The following AGPAT5 variants were observed in gnomAD, a reference collection of about 807,000 sequenced individuals.
AGPAT5 encodes 1-acyl-sn-glycerol-3-phosphate acyltransferase epsilon.
A neutral mutation model predicts 45.6 loss-of-function variants in AGPAT5; 46 were observed. The ratio of observed to expected loss-of-function variants is 1.01; its 90% CI spans 0.80 to 1.29. The LOEUF is 1.29. Ranked by LOEUF, AGPAT5 falls within the 50% of genes most tolerant of loss-of-function variation. The probability of loss-of-function intolerance (pLI) is 0.00; values close to 1 mark genes in which losing one functional copy is unlikely to be tolerated. For synonymous variants in AGPAT5, 272 were observed against 167.0 expected (o/e 1.63, Z -4.85); for missense variants, 673 against 450.7 (o/e 1.49, Z -4.47).
intron 4 of AGPAT5, among the ~76,000 whole-genome samples, chr8:6,736,199 G>T (rs1273628906): frequency 6.6e-6 from 1 of 152,074 alleles, no homozygotes; most frequent in East Asian, 1.9e-4. Context: ...ACATAACATG[G>T]TATATATTTG....
rs1035348098 is a variant in AGPAT5 at position 6,760,244 on chromosome 8, T to A, written c.*2856T>A. Among the ~76,000 whole-genome samples the A allele has an allele frequency of 6.6e-6, 1 of 151,950 alleles. No homozygotes were observed. Among genetic ancestry groups the A allele is most frequent in the Non-Finnish European group, 1.5e-5 (1 of 67,998 alleles). On this transcript the variant is annotated 3_prime_UTR_variant, in exon 8 of 8. Coordinates refer to ENST00000285518, the MANE Select transcript of AGPAT5 (RefSeq NM_018361.5). ...CTGTCTACAAAAAAATTAAAAAAAATTAGCCAGGCATGGTGGCGTACACTG... is the reference window on the plus strand; with the variant it reads ...CTGTCTACAAAAAAATTAAAAAAAAATAGCCAGGCATGGTGGCGTACACTG...
intron 4 of AGPAT5, among the ~76,000 whole-genome samples, chr8:6,736,792 T>C (rs1303521554): frequency 2.0e-5 from 3 of 152,260 alleles, no homozygotes; most frequent in Non-Finnish European, 2.9e-5. Flanking sequence ...CCTGCTCACC[T>C]CTCATTTACT....
At chr8:6,754,319 T>C (rs1313749682) in intron 6 of AGPAT5, among the ~76,000 whole-genome samples, 2 of 152,238 alleles carry the variant, frequency 1.3e-5, no homozygotes, top group African/African-American at 4.8e-5. Context: ...CTCATGGCTA[T>C]TCCACAGTAA....
At chr8:6,743,792 A>G (rs1039728506) in intron 5 of AGPAT5, among the ~76,000 whole-genome samples, 6 of 151,568 alleles carry the variant, frequency 4.0e-5, no homozygotes, top group Admixed American at 6.6e-5. Flanking sequence ...TTTAATTGCC[A>G]TGGTTAAAAC....
chr8:6,708,894 C>A lies in AGPAT5; in HGVS notation c.219+7C>A, dbSNP rs1163870697. The A allele has an allele frequency of 1.3e-6, 2 of 1,597,000 alleles. No homozygotes were observed. The highest frequency in any genetic ancestry group is 1.7e-6 in the Non-Finnish European group (2 of 1,172,814). On this transcript the variant is annotated splice_region_variant and intron_variant, in intron 1 of 7. Coordinates refer to ENST00000285518, the MANE Select transcript of AGPAT5 (RefSeq NM_018361.5). ...GAATTACACCGGGGTCCAGGTGAGCCGCCTCCCGCTCCCGGGTCTCGGCGT... is the reference window on the plus strand; with the variant it reads ...GAATTACACCGGGGTCCAGGTGAGCAGCCTCCCGCTCCCGGGTCTCGGCGT...
intron 1 of AGPAT5, chr8:6,709,644 C>T (rs1287422502): frequency 6.6e-6 from 1 of 151,594 alleles, no homozygotes; most frequent in Non-Finnish European, 1.5e-5. Context: ...TAATGTCCAC[C>T]TAGTCCTCTT....
At chr8:6,751,234 A>G (rs1426912080) in intron 6 of AGPAT5, among the ~76,000 whole-genome samples, 2 of 152,258 alleles carry the variant, frequency 1.3e-5, no homozygotes, top group Admixed American at 6.5e-5. Context: ...TTTCATTAGT[A>G]TTAAATATTA....
At chr8:6,751,728 T>A (rs1188686775) in intron 6 of AGPAT5, among the ~76,000 whole-genome samples, 1 of 151,936 alleles carries the variant, frequency 6.6e-6, no homozygotes, top group Non-Finnish European at 1.5e-5. Flanking sequence ...TTTTAATTAT[T>A]TTTCTGAAGT....
chr8:6,747,466 A>G (rs895166013), intron 5 of AGPAT5, among the ~76,000 whole-genome samples: 1 of 152,262 alleles, frequency 6.6e-6, no homozygotes, highest in Non-Finnish European at 1.5e-5. Context: ...TATTTGATCA[A>G]TATATAGCAA....
intron 6 of AGPAT5, among the ~76,000 whole-genome samples, chr8:6,752,917 C>G (rs1413061182): frequency 6.6e-6 from 1 of 152,170 alleles, no homozygotes; most frequent in Non-Finnish European, 1.5e-5. Context: ...GTCGCATGCT[C>G]CTCTCATTGT....
At position 6,758,099 on chromosome 8, in the gene AGPAT5, A is replaced by G. The variant is rs1306886597; in HGVS notation, c.*711A>G. 1.3e-5 allele frequency: 2 copies of G among 152,280 alleles called. No homozygotes were observed. Among genetic ancestry groups the G allele is most frequent in the Admixed American group, 6.5e-5 (1 of 15,294 alleles). 9.4% of individuals were successfully genotyped at this position (152,280 alleles called of 1,614,324 possible). The stretch of plus-strand genomic sequence containing the variant: ...TAAAATTGTGACTCTGATTCATTAT[A>G]GCAGAACTTTAAATTTCCCAGCTTT... On this transcript the variant is annotated 3_prime_UTR_variant, in exon 8 of 8. Transcript: ENST00000285518.
At chr8:6,754,595 G>C (rs1411808155) in intron 6 of AGPAT5, among the ~76,000 whole-genome samples, 1 of 152,072 alleles carries the variant, frequency 6.6e-6, no homozygotes, top group Non-Finnish European at 1.5e-5. Flanking sequence ...GCTTCCTCTC[G>C]GCCCCTGTGG....
chr8:6,731,809 C>G (rs998045915), intron 3 of AGPAT5, among the ~76,000 whole-genome samples: 1 of 152,068 alleles, frequency 6.6e-6, no homozygotes, highest in Non-Finnish European at 1.5e-5. Context: ...GCTAGACATC[C>G]AAGATCAAGG....
At chr8:6,754,566 G>A (rs1801768205) in intron 6 of AGPAT5, among the ~76,000 whole-genome samples, 1 of 152,158 alleles carries the variant, frequency 6.6e-6, no homozygotes, top group Non-Finnish European at 1.5e-5. Flanking sequence ...GTCAGGAGGT[G>A]CCATCGTGAG....
intron 6 of AGPAT5, among the ~76,000 whole-genome samples, chr8:6,752,111 C>T (rs2116958756): frequency 6.6e-6 from 1 of 152,090 alleles, no homozygotes; most frequent in African/African-American, 2.4e-5. Context: ...CGGGAGGCAG[C>T]AGTTGCAGTG....
At chr8:6,739,492 A>T (rs565726388) in intron 4 of AGPAT5, among the ~76,000 whole-genome samples, 3 of 152,250 alleles carry the variant, frequency 2.0e-5, no homozygotes, top group African/African-American at 7.2e-5. Context: ...ACAGATTTGC[A>T]CATCTTTTGC....
intron 6 of AGPAT5, among the ~76,000 whole-genome samples, chr8:6,748,832 G>C (rs573612237): frequency 6.6e-6 from 1 of 152,244 alleles, no homozygotes; most frequent in African/African-American, 2.4e-5. Flanking sequence ...CAGTGTGCTT[G>C]TATCAGTAGG....
intron 6 of AGPAT5, among the ~76,000 whole-genome samples, chr8:6,753,216 G>A (rs1247954519): frequency 6.6e-6 from 1 of 152,230 alleles, no homozygotes; most frequent in African/African-American, 2.4e-5. Flanking sequence ...TGACGTCTTA[G>A]TAGAGGCCCT....
In AGPAT5 at chr8:6,732,585, A is replaced by G. The variant is rs1360338298; in HGVS notation, c.430A>G (p.Ser144Gly). Residue 144 changes from serine to glycine, a missense_variant, in exon 4 of 8, where the codon AGT becomes GGT. Physicochemically the swap from Ser to Gly is moderately conservative, Grantham distance 56. Transcript: ENST00000285518. ...GCATGGAGGAATCTATGTAAAGCGC[A>G]GTGCCAAATTTAACGAGAAAGAGAT... ...AQHGGIYVKR[S>G]AKFNEKEMRN... The G allele has an allele frequency of 6.2e-7, 1 of 1,610,554 alleles. No homozygotes were observed. Among genetic ancestry groups the G allele is most frequent in the Admixed American group, 1.7e-5 (1 of 58,764 alleles).
Sources: allele counts gnomAD v4.1 joint callset (sites outside exome capture counted in the v4.1 genomes callset), GRCh38; gene constraint gnomAD v4.1.1; transcripts MANE v1.5; gene names NCBI Gene and HGNC (gene_info 2026-07-23, HGNC 2026-07-21).